Variants in MCF2L observed in about 807,000 individuals in gnomAD.
MCF2L encodes the protein MCF.2 cell line derived transforming sequence like.
In MCF2L, 97 loss-of-function variants were observed where a neutral mutation model predicts 153.4. That is an observed-to-expected ratio of 0.63 (90% CI 0.54 to 0.75). The LOEUF is 0.75. Among genes scored for constraint, MCF2L ranks in the 30% least tolerant of loss-of-function variants. The pLI, the probability that MCF2L is intolerant of heterozygous loss-of-function variation, is 0.00. For missense variants in MCF2L, 1,347 were observed against 1,495.2 expected (o/e 0.90, Z 1.64); for synonymous variants, 659 against 632.2 (o/e 1.04, Z -0.64).
rs765080625 is a variant in MCF2L at position 113,053,211 on chromosome 13, G to A, written c.370-7382G>A. On this transcript the variant is annotated intron_variant, in intron 4 of 29. Transcript: ENST00000535094. This position sits in a 1 kb window ranked among gnomAD's most constrained non-coding sequence, Gnocchi z 4.4. ...ACATGGGGCTTTCTCCACGTGCCCC[G>A]TCATGTCCTTCCTGTATTTGTTAAA... Among the ~76,000 whole-genome samples the A allele has an allele frequency of 3.9e-4, 59 of 152,328 alleles. No individual in the cohort carries two copies. The highest frequency in any genetic ancestry group is 1.2e-3 in the South Asian group (6 of 4,820).
chr13:113,060,526 A>G, intron 4 of MCF2L, 67 bp from the exon 5 acceptor site: 4 of 1,584,512 alleles, frequency 2.5e-6, no homozygotes, highest in Non-Finnish European at 3.4e-6. Context: ...GCGTGCAGGC[A>G]CCGCACTAGG....
At chr13:113,042,008 C>T (rs1465616858) in intron 3 of MCF2L, among the ~76,000 whole-genome samples, 1 of 152,156 alleles carries the variant, frequency 6.6e-6, no homozygotes, top group Admixed American at 6.5e-5. Flanking sequence ...ACGGGATGGT[C>T]GCTGGAGCTT....
At chr13:112,938,176 AGGTGAGCGCTGAGGGGTTGG>A (rs2081540393) in intron 2 of MCF2L, among the ~76,000 whole-genome samples, 1 of 132,034 alleles carries the variant, frequency 7.6e-6, no homozygotes, top group Admixed American at 7.6e-5. Context: ...GGGTTGGTTC[AGGTGAGCGCTGAGGGGTTGG>A]TTCAGGTGAG....
At chr13:113,051,789 G>A (rs539267911) in intron 4 of MCF2L, among the ~76,000 whole-genome samples, 17 of 152,282 alleles carry the variant, frequency 1.1e-4, no homozygotes, top group Admixed American at 2.6e-4. Context: ...GAGGCGACGC[G>A]GGACCTCACC....
rs200911052 is a variant in MCF2L, at chr13:112,985,416, G to T, written c.79+15958G>T. On this transcript the variant is annotated intron_variant, in intron 1 of 29. Coordinates refer to ENST00000535094, the MANE Select transcript of MCF2L (RefSeq NM_001112732.3). ...CGGAAAGGCTGTCCGGATTTCCGTG[G>T]CGGAAATGAAAAGCTACTACCTGTA... 1,210 of 471,116 alleles carry T rather than the reference G, an allele frequency of 2.6e-3. 4 individuals are homozygous for T. The highest frequency in any genetic ancestry group is 3.6e-3 in the Non-Finnish European group (828 of 227,054). 29.2% of individuals were successfully genotyped at this position (471,116 alleles called of 1,614,324 possible).
upstream of MCF2L, chr13:112,968,098 TTC>T (rs533754876): frequency 2.8e-3 from 549 of 199,550 alleles, no homozygotes; most frequent in South Asian, 6.1e-3. Context: ...CCTGCTGGAA[TTC>T]TCTCTCTCTC....
At chr13:112,981,550 C>T (rs1371418790) in intron 1 of MCF2L, among the ~76,000 whole-genome samples, 2 of 152,218 alleles carry the variant, frequency 1.3e-5, no homozygotes, top group Non-Finnish European at 2.9e-5. Context: ...CCCAGATGCA[C>T]CGAGCCCGTG....
In MCF2L at chr13:112,904,011, G is replaced by A. The variant is rs1490300334; in HGVS notation, c.169+1640G>A. Among the ~76,000 whole-genome samples the A allele has an allele frequency of 6.6e-6, 1 of 152,116 alleles. No homozygotes were observed. The highest frequency in any genetic ancestry group is 6.5e-5 in the Admixed American group (1 of 15,270). Reference sequence around the variant, plus strand: ...AACTGGAAGGTTGCTGAGTCTTCCCGCGCTCAGCTTGGCTGTGAATTAACT... The same window carrying A: ...AACTGGAAGGTTGCTGAGTCTTCCCACGCTCAGCTTGGCTGTGAATTAACT... On this transcript the variant is annotated intron_variant, in intron 2 of 29. Transcript: ENST00000375608. This position sits in a 1 kb window ranked among gnomAD's most constrained non-coding sequence, Gnocchi z 4.2.
chr13:113,075,781 TCCCC>T (rs1360695713), intron 11 of MCF2L, among the ~76,000 whole-genome samples, 181 bp from the exon 12 acceptor site: 7 of 151,978 alleles, frequency 4.6e-5, no homozygotes, highest in Non-Finnish European at 1.0e-4. Context: ...CAGCACTGTG[TCCCC>T]TTGGGATTGG....
At chr13:112,955,167 G>A (rs1037493232) in intron 2 of MCF2L, among the ~76,000 whole-genome samples, 1 of 152,166 alleles carries the variant, frequency 6.6e-6, no homozygotes, top group Admixed American at 6.5e-5. Flanking sequence ...TTCATGAGGT[G>A]GGGACCCCGT....
chr13:112,946,840 TA>T (rs2081642091), intron 2 of MCF2L, among the ~76,000 whole-genome samples: 1 of 151,774 alleles, frequency 6.6e-6, no homozygotes, highest in Non-Finnish European at 1.5e-5. Flanking sequence ...TTCCCAAGAG[TA>T]AAACAAAGAA....
In MCF2L at chr13:113,070,035, C is replaced by A; in HGVS notation, c.882-24C>A. 6.4e-7 allele frequency: 1 copy of A among 1,572,452 alleles called. No individual in the cohort carries two copies. Among genetic ancestry groups the A allele is most frequent in the Non-Finnish European group, 8.7e-7 (1 of 1,147,432 alleles). Reference sequence around the variant, plus strand: ...CATGGGGCGCCGTGGGCCACACAGACGGTCAACTCCTCCTCTTTCCCAGGC... The same window carrying A: ...CATGGGGCGCCGTGGGCCACACAGAAGGTCAACTCCTCCTCTTTCCCAGGC... On this transcript the variant is annotated intron_variant, in intron 8 of 29. Coordinates refer to ENST00000535094, the MANE Select transcript of MCF2L (RefSeq NM_001112732.3). This position sits in a 1 kb window ranked among gnomAD's most constrained non-coding sequence, Gnocchi z 5.6.
chr13:112,971,238 G>A (rs1396736515), intron 1 of MCF2L, among the ~76,000 whole-genome samples: 1 of 152,216 alleles, frequency 6.6e-6, no homozygotes, highest in African/African-American at 2.4e-5. Flanking sequence ...TAGGGGTGAA[G>A]GTCAAGGTAA....
At chr13:112,926,793 G>A (rs1451913757) in intron 2 of MCF2L, among the ~76,000 whole-genome samples, 2 of 152,168 alleles carry the variant, frequency 1.3e-5, no homozygotes, top group East Asian at 1.9e-4. Flanking sequence ...GCGGTCGCCT[G>A]GGGCAGGGGG....
In MCF2L at chr13:113,085,068, G is replaced by C. The variant is rs768322014; in HGVS notation, c.2155-18G>C. 1.2e-6 allele frequency: 2 copies of C among 1,613,134 alleles called. No homozygotes were observed. The highest frequency in any genetic ancestry group is 8.5e-7 in the Non-Finnish European group (1 of 1,179,394). The stretch of plus-strand genomic sequence containing the variant: ...ATAATGAAAATTGTGCAAACCAAAG[G>C]CTCTGGGTTGGTTCCAGGAATGCCA... On this transcript the variant is annotated intron_variant, in intron 19 of 29. Transcript: ENST00000535094.
chr13:113,045,485 C>A lies in MCF2L; in HGVS notation c.369+124C>A, dbSNP rs181393014. ...TGCTGAGTGGGACAGAGCCCAGTCC[C>A]GGCGGGTGGAGGCCGGCGCCAAGGC... is the stretch of plus-strand genomic sequence containing the variant. On this transcript the variant is annotated intron_variant, in intron 4 of 29. Coordinates refer to ENST00000535094, the MANE Select transcript of MCF2L (RefSeq NM_001112732.3). This position sits in a 1 kb window ranked among gnomAD's most constrained non-coding sequence, Gnocchi z 4.2. 5 of 889,060 alleles carry A rather than the reference C, an allele frequency of 5.6e-6. No individual in the cohort carries two copies. In the African/African-American group the frequency reaches 6.6e-5, roughly 12 times the overall value. The allele number at this position is 889,060 out of a possible 1,614,324, so 55.1% of individuals were successfully genotyped here. A position where few individuals can be genotyped will look rare whatever the true frequency, so the allele number is the denominator to read the frequency against.
At chr13:112,963,328 C>T (rs918618236) in intron 2 of MCF2L, among the ~76,000 whole-genome samples, 15 of 152,208 alleles carry the variant, frequency 9.9e-5, no homozygotes, top group Admixed American at 3.9e-4. Context: ...AGGGTCTGAC[C>T]GTGCTCCTTC....
intron 5 of MCF2L, among the ~76,000 whole-genome samples, chr13:113,062,433 C>T (rs1052683732): frequency 2.0e-5 from 3 of 152,086 alleles, no homozygotes; most frequent in Non-Finnish European, 4.4e-5. Flanking sequence ...ACTCCGTGCG[C>T]CCTCCTTCCC....
At chr13:112,975,221 A>G (rs887233474) in intron 1 of MCF2L, among the ~76,000 whole-genome samples, 1 of 152,358 alleles carries the variant, frequency 6.6e-6, no homozygotes, top group East Asian at 1.9e-4. Flanking sequence ...AGCTGCCTAC[A>G]TTGGAATTCT....
Sources: gnomAD v4.1 joint callset for allele counts (sites outside exome capture counted in the v4.1 genomes callset) on GRCh38, gnomAD v4.1.1 for gene constraint, Gnocchi (gnomAD v3.1) non-coding constraint, MANE v1.5 for transcripts, NCBI Gene and HGNC (gene_info 2026-07-23, HGNC 2026-07-21) for gene names.